The following MIS18A variants were observed in gnomAD, a reference collection of about 807,000 sequenced individuals.
MIS18A encodes the protein MIS18 kinetochore protein A.
MIS18A carries 14 observed loss-of-function variants against 25.0 expected under a neutral mutation model. That is an observed-to-expected ratio of 0.56 (90% CI 0.37 to 0.88). The LOEUF (loss-of-function observed/expected upper bound fraction) is 0.88, where lower values mean the gene tolerates loss of function less well. Ranked by LOEUF, MIS18A falls within the 40% of genes least tolerant of loss-of-function variation. MIS18A has a pLI of 0.00. For missense variants in MIS18A, 292 were observed against 290.8 expected, an observed-to-expected ratio of 1.00 and a Z score of -0.03; for synonymous variants, 134 against 118.6, an observed-to-expected ratio of 1.13 and a Z score of -0.84.
the MIS18A span, among the ~76,000 whole-genome samples, chr21:32,226,358 G>A: frequency 1.3e-5 from 2 of 151,434 alleles, no homozygotes; most frequent in Non-Finnish European, 2.9e-5. Flanking sequence ...TACAAAAGAC[G>A]CATTTTAAAC....
At chr21:32,260,328 G>A in the MIS18A span, 1 of 152,340 alleles carries the variant, frequency 6.6e-6, no homozygotes, top group African/African-American at 2.4e-5. Flanking sequence ...AGGGCTTCCT[G>A]GAGGAAGTGG....
At chr21:32,187,257 T>C in the MIS18A span, among the ~76,000 whole-genome samples, 1 of 152,202 alleles carries the variant, frequency 6.6e-6, no homozygotes, top group Non-Finnish European at 1.5e-5. Flanking sequence ...TGAATTCTTA[T>C]TTACTTATTT....
the MIS18A span, among the ~76,000 whole-genome samples, chr21:32,262,981 C>T: frequency 4.1e-4 from 62 of 152,164 alleles, no homozygotes; most frequent in Non-Finnish European, 1.5e-5. Flanking sequence ...TGACTGCACT[C>T]GTGCCCTCGT....
chr21:32,220,759 GAATAA>G, the MIS18A span, among the ~76,000 whole-genome samples: 124 of 152,030 alleles, frequency 8.2e-4, 1 homozygote, highest in African/African-American at 2.6e-3. Flanking sequence ...TTGCTAACTA[GAATAA>G]CCAGTTTAGA....
chr21:32,161,278 C>T, the MIS18A span, among the ~76,000 whole-genome samples: 1 of 152,194 alleles, frequency 6.6e-6, no homozygotes, highest in East Asian at 1.9e-4. Flanking sequence ...CTCTTTTCGG[C>T]TGTGACCACT....
the MIS18A span, among the ~76,000 whole-genome samples, chr21:32,179,744 C>A: frequency 4.1e-4 from 62 of 152,282 alleles, 1 homozygote; most frequent in African/African-American, 1.4e-3. Flanking sequence ...TGAGGAGTAG[C>A]CCATTGTTGG....
At chr21:32,260,084 C>CTTTTTTTTATTTTTTTTTTTTTTTTTTT in the MIS18A span, 2 of 116,980 alleles carry the variant, frequency 1.7e-5, 1 homozygote, top group African/African-American at 8.3e-5. Context: ...TTTTTCTCAG[C>CTTTTTTTTATTTTTTTTTTTTTTTTTTT]TTTTTTTTTT....
chr21:32,212,894 C>T, the MIS18A span, among the ~76,000 whole-genome samples: 1 of 152,182 alleles, frequency 6.6e-6, no homozygotes, highest in Admixed American at 6.5e-5. Flanking sequence ...GTGAGGCCTC[C>T]CCAGCCATGT....
the MIS18A span, among the ~76,000 whole-genome samples, chr21:32,156,854 A>G: frequency 6.6e-6 from 1 of 152,084 alleles, no homozygotes; most frequent in Non-Finnish European, 1.5e-5. Context: ...TGACCCAGGT[A>G]ATAGACATAT....
the MIS18A span, among the ~76,000 whole-genome samples, chr21:32,188,143 C>G: frequency 6.6e-6 from 1 of 152,226 alleles, no homozygotes; most frequent in Non-Finnish European, 1.5e-5. Flanking sequence ...CTTCCAGCCT[C>G]CAGAGCTGAG....
the MIS18A span, among the ~76,000 whole-genome samples, chr21:32,235,588 GA>G: frequency 6.6e-6 from 1 of 152,114 alleles, no homozygotes; most frequent in Non-Finnish European, 1.5e-5. Context: ...TCTCTACTAG[GA>G]AAAATACGAA....
the MIS18A span, among the ~76,000 whole-genome samples, chr21:32,171,208 T>A: frequency 6.6e-6 from 1 of 152,046 alleles, no homozygotes; most frequent in African/African-American, 2.4e-5. Context: ...CATTAGCAGA[T>A]GGTATGATCT....
chr21:32,184,926 C>A, the MIS18A span, among the ~76,000 whole-genome samples: 6 of 152,144 alleles, frequency 3.9e-5, no homozygotes, highest in Admixed American at 2.0e-4. Flanking sequence ...GCACTTACAG[C>A]CTAAGCTCAG....
At chr21:32,199,834 A>G in the MIS18A span, among the ~76,000 whole-genome samples, 1 of 152,150 alleles carries the variant, frequency 6.6e-6, no homozygotes, top group East Asian at 1.9e-4. Flanking sequence ...ACAAACAAAC[A>G]AACAAAAAAA....
intron 1 of MIS18A, among the ~76,000 whole-genome samples, chr21:32,277,146 G>C (rs2123472382): frequency 6.6e-6 from 1 of 152,024 alleles, no homozygotes; most frequent in African/African-American, 2.4e-5. Context: ...GGTGTGGGGA[G>C]GTGTTAAATC....
the MIS18A span, among the ~76,000 whole-genome samples, chr21:32,223,229 G>A: frequency 6.6e-6 from 1 of 151,618 alleles, no homozygotes; most frequent in Admixed American, 6.6e-5. Flanking sequence ...AGAGAAGTAA[G>A]AACAAACAAA....
chr21:32,177,722 A>G, the MIS18A span, among the ~76,000 whole-genome samples: 3 of 152,032 alleles, frequency 2.0e-5, no homozygotes, highest in Non-Finnish European at 4.4e-5. Context: ...CCCAAAGAAA[A>G]TTTTTCTATA....
At chr21:32,160,763 C>G in the MIS18A span, among the ~76,000 whole-genome samples, 89 of 152,078 alleles carry the variant, frequency 5.9e-4, 1 homozygote, top group Middle Eastern at 0.02. Flanking sequence ...TCCCGAGTAG[C>G]TGGGATTACA....
At chr21:32,207,111 T>G in the MIS18A span, among the ~76,000 whole-genome samples, 1 of 152,220 alleles carries the variant, frequency 6.6e-6, no homozygotes, top group Admixed American at 6.5e-5. Flanking sequence ...GACACATTTT[T>G]TTATGACTTC....
Sources: gnomAD v4.1 joint callset for allele counts (sites outside exome capture counted in the v4.1 genomes callset) on GRCh38, gnomAD v4.1.1 for gene constraint, MANE v1.5 for transcripts, NCBI Gene and HGNC (gene_info 2026-07-23, HGNC 2026-07-21) for gene names.